Variants in SLC38A1 observed in about 807,000 individuals in gnomAD.
SLC38A1 encodes solute carrier family 38 member 1.
SLC38A1 carries 18 observed loss-of-function variants against 60.3 expected under a neutral mutation model. That is an observed-to-expected ratio of 0.30 (90% CI 0.21 to 0.44). The LOEUF (loss-of-function observed/expected upper bound fraction) is 0.44. SLC38A1 is among the 20% of genes least tolerant of loss of function. SLC38A1 has a pLI of 1.00. For synonymous variants in SLC38A1, 196 were observed against 212.1 expected (o/e 0.92, Z 0.66); for missense variants, 448 against 587.2 (o/e 0.76, Z 2.45).
intron 1 of SLC38A1, among the ~76,000 whole-genome samples, chr12:46,261,342 A>G (rs560651853): frequency 2.0e-5 from 3 of 152,314 alleles, no homozygotes; most frequent in Non-Finnish European, 2.9e-5. Context: ...AGTTTCGTGT[A>G]GATTACTCAC....
chr12:46,198,565 C>T, intron 14 of SLC38A1, 60 bp downstream of exon 14: 1 of 1,180,966 alleles, frequency 8.5e-7, no homozygotes, highest in Non-Finnish European at 1.2e-6. Context: ...CGGGCTCCTG[C>T]AGGCAGAAGG....
chr12:46,208,350 T>G (rs1592086275), intron 6 of SLC38A1, among the ~76,000 whole-genome samples: 1 of 152,384 alleles, frequency 6.6e-6, no homozygotes, highest in Non-Finnish European at 1.5e-5. Context: ...TTCAAAAGGT[T>G]CACGGAGAGC....
At chr12:46,243,642 T>C (rs1350121521) in intron 1 of SLC38A1, among the ~76,000 whole-genome samples, 3 of 151,784 alleles carry the variant, frequency 2.0e-5, no homozygotes, top group Non-Finnish European at 2.9e-5. Context: ...GCAGATTGAG[T>C]TCAAGAAACA....
chr12:46,239,787 T>C lies in SLC38A1; in HGVS notation c.14A>G (p.Lys5Arg), dbSNP rs1193521739. 3.1e-6 allele frequency: 5 copies of C among 1,612,850 alleles called. No individual in the cohort carries two copies. The African/African-American group carries it at 6.7e-5, about 22-fold the overall frequency. ...CAACTCAGTTAATTCGAGTCCACTT[T>C]TGAAATGCATCATGATTAGAAAGTG... Reference protein sequence around the residue: MMHFKSGLELTELQN... With the variant: MMHFRSGLELTELQN... The change falls in exon 3 of 17, where the codon AAA becomes AGA. Residue 5 changes from lysine (K) to arginine (R), a missense_variant. By Grantham distance (26) the Lys-to-Arg change is conservative (BLOSUM62 2). This residue lies in a region of SLC38A1 where 102 missense variants were observed against 89.7 expected (regional missense o/e 1.14). Transcript: ENST00000398637.
intron 16 of SLC38A1, chr12:46,197,378 G>A (rs1939428826): frequency 5.6e-6 from 1 of 178,306 alleles, no homozygotes; most frequent in Non-Finnish European, 1.2e-5. Flanking sequence ...CAGGCATGGT[G>A]GCGGGCGCCT....
At chr12:46,220,646 G>A (rs1028673401) in intron 5 of SLC38A1, among the ~76,000 whole-genome samples, 4 of 152,160 alleles carry the variant, frequency 2.6e-5, no homozygotes, top group African/African-American at 4.8e-5. Context: ...GACCATCTTC[G>A]TTGCCACTGA....
intron 3 of SLC38A1, among the ~76,000 whole-genome samples, chr12:46,232,262 G>T (rs977542682): frequency 6.6e-6 from 1 of 152,140 alleles, no homozygotes. Context: ...GACCATACCA[G>T]GTAACACCAG....
At chr12:46,238,355 A>G (rs991844444) in intron 3 of SLC38A1, among the ~76,000 whole-genome samples, 1 of 152,206 alleles carries the variant, frequency 6.6e-6, no homozygotes, top group African/African-American at 2.4e-5. Flanking sequence ...AAAGGAGAAC[A>G]TCTGTGTTAA....
chr12:46,267,095 G>T (rs1321892240), intron 1 of SLC38A1: 1 of 152,184 alleles, frequency 6.6e-6, no homozygotes, highest in East Asian at 1.9e-4. Flanking sequence ...TTATCAAGGT[G>T]ACAAATTACA....
At chr12:46,235,565 A>C (rs1592127628) in intron 3 of SLC38A1, among the ~76,000 whole-genome samples, 2 of 152,344 alleles carry the variant, frequency 1.3e-5, no homozygotes, top group African/African-American at 4.8e-5. Flanking sequence ...TAATTGTAAC[A>C]GGAGAAATGA....
intron 1 of SLC38A1, among the ~76,000 whole-genome samples, chr12:46,251,270 G>T (rs1941828460): frequency 6.6e-6 from 1 of 152,186 alleles, no homozygotes; most frequent in Non-Finnish European, 1.5e-5. Flanking sequence ...AATAAATGGT[G>T]CTGGGAAAAC....
In SLC38A1 at chr12:46,202,993, T is replaced by A. The variant is rs977523571; in HGVS notation, c.902+17A>T. ...GATGTAAAACGATTAAGATAAAAAA[T>A]TAAACAAATTTCTTACTCTTTAAGC... On this transcript the variant is annotated intron_variant, in intron 12 of 16. Transcript: ENST00000398637. 1 of 1,601,712 alleles carries A rather than the reference T, an allele frequency of 6.2e-7. No individual in the cohort carries two copies. Among genetic ancestry groups the A allele is most frequent in the African/African-American group, 1.3e-5 (1 of 74,536 alleles).
At chr12:46,201,918 C>T (rs7980700) in intron 12 of SLC38A1, among the ~76,000 whole-genome samples, 36,012 of 150,120 alleles carry the variant, frequency 0.24, 5,635 homozygotes, top group African/African-American at 0.45. Context: ...GTAGGCCCCG[C>T]GCGGTGGCTC....
At chr12:46,204,820 G>T in intron 9 of SLC38A1, among the ~76,000 whole-genome samples, 1 of 152,110 alleles carries the variant, frequency 6.6e-6, no homozygotes, top group Middle Eastern at 3.2e-3. Context: ...GCTCTGAATA[G>T]AAACATTATA....
chr12:46,211,695 C>T (rs75362510), intron 5 of SLC38A1, among the ~76,000 whole-genome samples: 4,453 of 152,270 alleles, frequency 0.029, 86 homozygotes, highest in Non-Finnish European at 0.041. Flanking sequence ...GTTCACTTAT[C>T]TTCTTCCCCC....
chr12:46,206,008 C>T, intron 9 of SLC38A1, 72 bp downstream of exon 9: 1 of 900,602 alleles, frequency 1.1e-6, no homozygotes, highest in African/African-American at 1.7e-5. Context: ...GAGGGCAACA[C>T]TGTCCATTTT....
chr12:46,252,840 C>T (rs1941898984), intron 1 of SLC38A1, among the ~76,000 whole-genome samples: 1 of 151,780 alleles, frequency 6.6e-6, no homozygotes, highest in African/African-American at 2.4e-5. Context: ...AACACAGGCA[C>T]ATATAAAATA....
chr12:46,237,044 A>C (rs1455724453), intron 3 of SLC38A1, among the ~76,000 whole-genome samples: 2 of 152,196 alleles, frequency 1.3e-5, no homozygotes, highest in Non-Finnish European at 1.5e-5. Context: ...AAATGACTCC[A>C]CTTTTATTTT....
chr12:46,230,302 G>A (rs900163692), intron 3 of SLC38A1, among the ~76,000 whole-genome samples: 1 of 152,186 alleles, frequency 6.6e-6, no homozygotes, highest in African/African-American at 2.4e-5. Context: ...GCAAACAGGA[G>A]GCTACAGGAG....
Sources: gnomAD v4.1 joint callset for allele counts (sites outside exome capture counted in the v4.1 genomes callset) on GRCh38, gnomAD v4.1.1 for gene constraint, gnomAD v4.1.1 regional missense constraint, MANE v1.5 for transcripts, NCBI Gene and HGNC (gene_info 2026-07-23, HGNC 2026-07-21) for gene names.